Variants in ATP6V0A1 observed in about 807,000 individuals in gnomAD.
ATP6V0A1 encodes V-type proton ATPase 116 kDa subunit a 1.
A neutral mutation model predicts 105.4 loss-of-function variants in ATP6V0A1; 43 were observed. The ratio of observed to expected loss-of-function variants is 0.41; its 90% CI spans 0.32 to 0.53. ATP6V0A1 has a LOEUF of 0.53. ATP6V0A1 is among the 20% of genes least tolerant of loss of function. The pLI, the probability that ATP6V0A1 is intolerant of heterozygous loss-of-function variation, is 0.30. For missense variants in ATP6V0A1, 676 were observed against 1,051.1 expected (o/e 0.64, Z 4.93); for synonymous variants, 362 against 372.8 (o/e 0.97, Z 0.33).
At chr17:42,507,415 C>T in intron 17 of ATP6V0A1, 105 bp from the exon 18 acceptor site, 1 of 785,774 alleles carries the variant, frequency 1.3e-6, no homozygotes, top group Non-Finnish European at 2.1e-6. Context: ...TGTTGTTAGA[C>T]ATATGCTTTT....
intron 8 of ATP6V0A1, 154 bp downstream of exon 8, chr17:42,480,903 G>T: frequency 1.6e-6 from 1 of 613,736 alleles, no homozygotes; most frequent in Non-Finnish European, 2.6e-6. Context: ...ATTAGAAATA[G>T]CCTGCATTCA....
At position 42,521,168 on chromosome 17, in the gene ATP6V0A1, C is replaced by T. The variant is rs1453647161; in HGVS notation, c.*48C>T. 5 of 1,491,432 alleles carry T rather than the reference C, an allele frequency of 3.4e-6. No homozygotes were observed. The highest frequency in any genetic ancestry group is 4.6e-6 in the Non-Finnish European group (5 of 1,093,062). 92.4% of individuals were successfully genotyped at this position (1,491,432 alleles called of 1,614,324 possible). A position where few individuals can be genotyped will look rare whatever the true frequency, so the allele number is the denominator to read the frequency against. ...CCATGCTACCCTCCCCGCCTCCCTC[C>T]ACAGTGATCAGCTGTGCCTCTCTGC... On this transcript the variant is annotated 3_prime_UTR_variant, in exon 22 of 22. Transcript: ENST00000343619. This position sits in a 1 kb window ranked among gnomAD's most constrained non-coding sequence, Gnocchi z 4.8.
intron 4 of ATP6V0A1, 44 bp downstream of exon 4, chr17:42,468,151 A>G (rs2087362898): frequency 2.2e-6 from 3 of 1,366,252 alleles, no homozygotes; most frequent in Non-Finnish European, 3.0e-6. Flanking sequence ...TTCTACTTGA[A>G]CGCAGAAATT....
At chr17:42,472,105 G>A (rs1174829689) in intron 5 of ATP6V0A1, among the ~76,000 whole-genome samples, 4 of 142,880 alleles carry the variant, frequency 2.8e-5, no homozygotes, top group African/African-American at 1.0e-4. Context: ...CCAGGCTGGA[G>A]TGCAGTGGAG....
chr17:42,465,811 A>G (rs1407034159), intron 2 of ATP6V0A1, among the ~76,000 whole-genome samples: 2 of 151,616 alleles, frequency 1.3e-5, no homozygotes, highest in African/African-American at 4.8e-5. Context: ...TAAAAATGCA[A>G]GAAAATTAGC....
intron 10 of ATP6V0A1, among the ~76,000 whole-genome samples, chr17:42,487,660 G>A (rs752166015): frequency 7.9e-5 from 12 of 152,152 alleles, no homozygotes; most frequent in African/African-American, 2.4e-4. Context: ...CCTGGGAGGC[G>A]GAGCTTGCAG....
chr17:42,496,060 TCA>T (rs1567847920), intron 14 of ATP6V0A1: 2 of 50,242 alleles, frequency 4.0e-5, no homozygotes, highest in Admixed American at 2.8e-4. Context: ...AGACTCCGTC[TCA>T]AAAAAAAAAA....
chr17:42,514,473 G>C lies in ATP6V0A1; in HGVS notation c.2420+13G>C. On this transcript the variant is annotated intron_variant, in intron 21 of 21. Transcript: ENST00000343619. ...TGCGCTTACACTGGTGAGGGGCAGT[G>C]GGGCAGGGCGGGCATGGGGGTGGAT... 5.7e-6 allele frequency: 9 copies of C among 1,570,928 alleles called. No homozygotes were observed. Among genetic ancestry groups the C allele is most frequent in the Non-Finnish European group, 7.8e-6 (9 of 1,158,098 alleles).
At chr17:42,474,897 A>G (rs563657811) in intron 5 of ATP6V0A1, among the ~76,000 whole-genome samples, 1 of 152,346 alleles carries the variant, frequency 6.6e-6, no homozygotes, top group South Asian at 2.1e-4. Context: ...AGATGATTAC[A>G]AATTTGACTT....
intron 8 of ATP6V0A1, 146 bp downstream of exon 8, chr17:42,480,895 TAG>T: frequency 1.6e-6 from 1 of 642,824 alleles, no homozygotes; most frequent in East Asian, 3.2e-5. Context: ...TTTAATCAAT[TAG>T]AAATAGCCTG....
At position 42,483,094 on chromosome 17, in the gene ATP6V0A1, C is replaced by A. The variant is rs2089725819; in HGVS notation, c.773C>A (p.Ala258Asp). The A allele has an allele frequency of 6.4e-7, 1 of 1,561,656 alleles. No individual in the cohort carries two copies. Among genetic ancestry groups the A allele is most frequent in the South Asian group, 1.2e-5 (1 of 82,012 alleles). Reference sequence around the variant, plus strand: ...ACACCACAGGAGAGGAAGGAAATGGCTTCTGGAGTGAATACCAGGATTGAT... The same window carrying A: ...ACACCACAGGAGAGGAAGGAAATGGATTCTGGAGTGAATACCAGGATTGAT... ...PETPQERKEM[A>D]SGVNTRIDDL... Residue 258 changes from alanine (A) to aspartate (D), a missense_variant, in exon 9 of 22, where the codon GCT becomes GAT. Coordinates refer to ENST00000343619, the MANE Select transcript of ATP6V0A1 (RefSeq NM_001130021.3).
At position 42,463,146 on chromosome 17, in the gene ATP6V0A1, G is replaced by T. The variant is rs912168859; in HGVS notation, c.117+2135G>T. ...GCCTCCTGAGTAGCTGGGACTACAG[G>T]CGCACACCGCCGAGCCCGGCTAATT... On this transcript the variant is annotated intron_variant, in intron 2 of 21. Transcript: ENST00000343619. Among the ~76,000 whole-genome samples the T allele has an allele frequency of 8.8e-5, 12 of 136,198 alleles. No homozygotes were observed. In the South Asian group the frequency reaches 3.3e-3, roughly 37 times the overall value. The allele number at this position is 136,198 out of a possible 152,430, so 89.4% of individuals were successfully genotyped here. A position where few individuals can be genotyped will look rare whatever the true frequency, so the allele number is the denominator to read the frequency against.
rs530818131 is a variant in ATP6V0A1, at chr17:42,499,910, CTT to C, written c.1680-791_1680-790del. ...ATTTTCATCAAAATAAGTGAGGTCT[CTT>C]TTTTTCCTTGATGTGCAACTCACAT... On this transcript the variant is annotated intron_variant, in intron 15 of 21. Transcript: ENST00000343619. 1.2e-3 allele frequency among the ~76,000 whole-genome samples: 177 copies of C among 151,932 alleles called. 2 individuals carry two copies. Among genetic ancestry groups the C allele is most frequent in the African/African-American group, 3.6e-3 (150 of 41,452 alleles).
intron 11 of ATP6V0A1, among the ~76,000 whole-genome samples, chr17:42,492,039 G>A (rs1289242445): frequency 6.6e-6 from 1 of 152,150 alleles, no homozygotes; most frequent in East Asian, 1.9e-4. Flanking sequence ...AAATAAACAT[G>A]TTGACACCTC....
intron 19 of ATP6V0A1, among the ~76,000 whole-genome samples, chr17:42,508,984 C>T (rs2092199459): frequency 6.6e-6 from 1 of 152,048 alleles, no homozygotes; most frequent in South Asian, 2.1e-4. Flanking sequence ...CGTTTCCTCC[C>T]TGCTCCTCCT....
At chr17:42,494,867 A>T (rs1184831961) in intron 12 of ATP6V0A1, 167 bp from the exon 13 acceptor site, 1 of 670,824 alleles carries the variant, frequency 1.5e-6, no homozygotes, top group East Asian at 2.7e-5. Flanking sequence ...ACATCCTGTG[A>T]AAGTGACTGT....
At position 42,520,607 on chromosome 17, in the gene ATP6V0A1, A is replaced by T. The variant is rs761405137; in HGVS notation, c.2421-420A>T. 99 of 457,702 alleles carry T rather than the reference A, an allele frequency of 2.2e-4. 1 individual carries two copies. The highest frequency in any genetic ancestry group is 1.5e-3 in the South Asian group (98 of 64,580). The allele number at this position is 457,702 out of a possible 1,614,324, so 28.4% of individuals were successfully genotyped here. On this transcript the variant is annotated intron_variant, in intron 21 of 21. Transcript: ENST00000343619. ...CGCCCTTTTGCTCCCCCAAGGAAAA[A>T]TAACAAGCAAACAGAGGTGCTTGCC...
chr17:42,484,611 T>A (rs1216146305), intron 9 of ATP6V0A1, among the ~76,000 whole-genome samples: 1 of 151,926 alleles, frequency 6.6e-6, no homozygotes, highest in African/African-American at 2.4e-5. Flanking sequence ...GCAGTAAGTG[T>A]GGTTTATGCA....
chr17:42,472,051 C>CA (rs2088031955), intron 5 of ATP6V0A1, among the ~76,000 whole-genome samples: 1 of 129,946 alleles, frequency 7.7e-6, no homozygotes, highest in African/African-American at 2.8e-5. Context: ...TATAGAGGCC[C>CA]TTTTTTTTTT....
Sources: allele counts gnomAD v4.1 joint callset (sites outside exome capture counted in the v4.1 genomes callset), GRCh38; gene constraint gnomAD v4.1.1; non-coding constraint Gnocchi (gnomAD v3.1); transcripts MANE v1.5; gene names NCBI Gene and HGNC (gene_info 2026-07-23, HGNC 2026-07-21).